Variants in TACR1 observed in about 807,000 individuals in gnomAD.
TACR1 encodes tachykinin receptor 1, also known as substance-P receptor.
Under a neutral mutation model 35.8 loss-of-function variants are expected in TACR1, and 25 were observed. The observed-to-expected ratio is 0.70, with a 90% CI of 0.51 to 0.98. The LOEUF (loss-of-function observed/expected upper bound fraction) is 0.98, where lower values mean the gene tolerates loss of function less well. Ranked by LOEUF, TACR1 falls within the 50% of genes least tolerant of loss-of-function variation. The pLI, the probability that TACR1 is intolerant of heterozygous loss-of-function variation, is 0.00. For missense variants in TACR1, 478 were observed against 522.9 expected, an observed-to-expected ratio of 0.91 and a Z score of 0.84; for synonymous variants, 195 against 206.7, an observed-to-expected ratio of 0.94 and a Z score of 0.48.
chr2:75,192,262 C>T (rs77016956), intron 1 of TACR1, among the ~76,000 whole-genome samples: 15,526 of 151,882 alleles, frequency 0.1, 957 homozygotes, highest in African/African-American at 0.17. Context: ...GACAGTTAAC[C>T]AGAGCTGGGG....
chr2:75,113,681 G>A (rs181219209), intron 2 of TACR1, among the ~76,000 whole-genome samples: 28 of 152,024 alleles, frequency 1.8e-4, no homozygotes, highest in African/African-American at 6.5e-4. Context: ...CAACCAAAGC[G>A]ATAATACTAG....
At chr2:75,088,324 TCTCCACGCAGCTAA>T (rs148711135) in intron 2 of TACR1, among the ~76,000 whole-genome samples, 2,757 of 152,150 alleles carry the variant, frequency 0.018, 80 homozygotes, top group African/African-American at 0.062. Flanking sequence ...CTTCCTTCCC[TCTCCACGCAGCTAA>T]CTCCTCAAAG....
intron 3 of TACR1, among the ~76,000 whole-genome samples, chr2:75,053,203 G>A (rs1262094423): frequency 1.3e-5 from 2 of 152,022 alleles, no homozygotes; most frequent in African/African-American, 2.4e-5. Context: ...CTCAAACACT[G>A]ACTCCTGGAA....
Position 75,051,456 on chromosome 2 carries a change from A to C in TACR1, c.736-9T>G. 2 of 1,613,564 alleles carry C rather than the reference A, an allele frequency of 1.2e-6. No homozygotes were observed. Among genetic ancestry groups the C allele is most frequent in the East Asian group, 4.5e-5 (2 of 44,880 alleles). On this transcript the variant is annotated splice_polypyrimidine_tract_variant and intron_variant, in intron 3 of 4. Transcript: ENST00000305249. ...ATCATCATTTTGACCACCTGGCAAG[A>C]GGGTGAGACAGGTGAGACCACCAGC...
intron 2 of TACR1, among the ~76,000 whole-genome samples, chr2:75,078,344 T>A (rs921349628): frequency 6.6e-6 from 1 of 152,056 alleles, no homozygotes; most frequent in Non-Finnish European, 1.5e-5. Flanking sequence ...TCTCAACTTA[T>A]GTATCTGTAG....
intron 1 of TACR1, among the ~76,000 whole-genome samples, chr2:75,164,388 A>G (rs1260897025): frequency 6.6e-6 from 1 of 152,066 alleles, no homozygotes; most frequent in East Asian, 1.9e-4. Flanking sequence ...TAAAAATAAT[A>G]GAAAAATAAT....
At chr2:75,149,324 C>T (rs1674621988) in intron 1 of TACR1, among the ~76,000 whole-genome samples, 1 of 152,168 alleles carries the variant, frequency 6.6e-6, no homozygotes, top group Non-Finnish European at 1.5e-5. Context: ...CTATAAATTA[C>T]TTTGGGCAGT....
intron 1 of TACR1, among the ~76,000 whole-genome samples, chr2:75,143,931 C>A (rs1312056928): frequency 6.6e-6 from 1 of 152,164 alleles, no homozygotes; most frequent in Non-Finnish European, 1.5e-5. Flanking sequence ...CATAGTGTAA[C>A]CTCCCTAACT....
In TACR1 at chr2:75,070,966, A is replaced by G. The variant is rs547250902; in HGVS notation, c.585-17211T>C. 8.4e-4 allele frequency among the ~76,000 whole-genome samples: 124 copies of G among 147,744 alleles called. No individual in the cohort carries two copies. In the South Asian group the frequency reaches 0.02, roughly 24 times the overall value. ...TTTTTATATTTTTAAATGACCAGGG[A>G]AAAAAAAACAAAGAAGAATATTGTT... is the stretch of plus-strand genomic sequence containing the variant. On this transcript the variant is annotated intron_variant, in intron 2 of 4. Coordinates refer to ENST00000305249, the MANE Select transcript of TACR1 (RefSeq NM_001058.4).
At chr2:75,157,776 C>T (rs924922889) in intron 1 of TACR1, among the ~76,000 whole-genome samples, 4 of 151,794 alleles carry the variant, frequency 2.6e-5, no homozygotes, top group African/African-American at 9.7e-5. Flanking sequence ...TCTGTTCTTT[C>T]AGTTCTGCCT....
In TACR1 at chr2:75,072,352, G is replaced by A. The variant is rs114423962; in HGVS notation, c.585-18597C>T. 7.6e-3 allele frequency among the ~76,000 whole-genome samples: 1,161 copies of A among 152,294 alleles called. 17 individuals are homozygous for A. The highest frequency in any genetic ancestry group is 0.027 in the African/African-American group (1,115 of 41,562). ...TCAGTAAGAGAAGTGCTGAAAGATC[G>A]CCAAGTATCATAATCAATATGGCCA... On this transcript the variant is annotated intron_variant, in intron 2 of 4. Transcript: ENST00000305249.
intron 2 of TACR1, among the ~76,000 whole-genome samples, chr2:75,070,056 C>T (rs1408792373): frequency 6.6e-6 from 1 of 152,080 alleles, no homozygotes; most frequent in African/African-American, 2.4e-5. Context: ...TATTCTATCT[C>T]ATTTATTATT....
chr2:75,072,127 C>T (rs1303860844), intron 2 of TACR1, among the ~76,000 whole-genome samples: 2 of 151,828 alleles, frequency 1.3e-5, no homozygotes. Context: ...TCAATGGCAC[C>T]GTGAAGTAGG....
intron 1 of TACR1, chr2:75,156,061 A>G (rs552235767): frequency 6.6e-6 from 1 of 152,396 alleles, no homozygotes; most frequent in South Asian, 2.1e-4. Context: ...CCTGGAACAC[A>G]GTCACACTAT....
intron 2 of TACR1, among the ~76,000 whole-genome samples, chr2:75,111,790 G>A (rs1169271744): frequency 1.1e-4 from 16 of 151,926 alleles, no homozygotes; most frequent in Admixed American, 1.0e-3. Flanking sequence ...ATAAAGAAAT[G>A]TTAGAAGGTT....
intron 2 of TACR1, among the ~76,000 whole-genome samples, chr2:75,110,063 A>T (rs1301706523): frequency 6.6e-6 from 1 of 152,172 alleles, no homozygotes; most frequent in Non-Finnish European, 1.5e-5. Context: ...CGGCTTTTGA[A>T]AATACAATAC....
intron 2 of TACR1, among the ~76,000 whole-genome samples, chr2:75,111,467 C>T (rs1319002397): frequency 1.3e-5 from 2 of 151,998 alleles, no homozygotes; most frequent in Non-Finnish European, 2.9e-5. Context: ...AAGGTTTAAG[C>T]AAAACCACTG....
chr2:75,105,907 C>G (rs984558938), intron 2 of TACR1, among the ~76,000 whole-genome samples: 1 of 151,818 alleles, frequency 6.6e-6, no homozygotes, highest in African/African-American at 2.4e-5. Flanking sequence ...ACTGTCACAA[C>G]CAAGAGGAGC....
At chr2:75,142,017 C>G (rs1191570226) in intron 1 of TACR1, among the ~76,000 whole-genome samples, 1 of 152,204 alleles carries the variant, frequency 6.6e-6, no homozygotes, top group African/African-American at 2.4e-5. Context: ...TTCATGTATA[C>G]TATTTCAAAT....
Sources: gnomAD v4.1 joint callset for allele counts (sites outside exome capture counted in the v4.1 genomes callset) on GRCh38, gnomAD v4.1.1 for gene constraint, MANE v1.5 for transcripts, NCBI Gene and HGNC (gene_info 2026-07-23, HGNC 2026-07-21) for gene names.